Variants in TRPC3 observed in about 807,000 individuals in gnomAD.
TRPC3 encodes the protein short transient receptor potential channel 3.
In TRPC3, 54 loss-of-function variants were observed where a neutral mutation model predicts 90.9. That is an observed-to-expected ratio of 0.59 (90% CI 0.48 to 0.75). The LOEUF is 0.75. TRPC3 is among the 30% of genes least tolerant of loss of function. TRPC3 has a pLI of 0.00. For synonymous variants in TRPC3, 424 were observed against 450.9 expected (o/e 0.94, Z 0.75); for missense variants, 918 against 1,194.5 (o/e 0.77, Z 3.41).
chr4:121,920,988 C>A (rs1450531423), intron 3 of TRPC3, among the ~76,000 whole-genome samples: 4 of 152,132 alleles, frequency 2.6e-5, no homozygotes, highest in Non-Finnish European at 5.9e-5. Context: ...TTGGAGATTT[C>A]TTCGCTTTTA....
intron 5 of TRPC3, 136 bp from the exon 6 acceptor site, chr4:121,910,523 C>G (rs1729042824): frequency 1.7e-5 from 12 of 690,102 alleles, no homozygotes; most frequent in Non-Finnish European, 2.5e-6. Flanking sequence ...CATTGACTGA[C>G]TGACTGTATG....
At chr4:121,916,186 T>C (rs1578631022) in intron 3 of TRPC3, among the ~76,000 whole-genome samples, 2 of 152,186 alleles carry the variant, frequency 1.3e-5, no homozygotes, top group Non-Finnish European at 2.9e-5. Context: ...AAAGCCCACC[T>C]ACAAGGAAAT....
At chr4:121,920,532 GA>G (rs914782819) in intron 3 of TRPC3, among the ~76,000 whole-genome samples, 5 of 149,248 alleles carry the variant, frequency 3.4e-5, no homozygotes, top group African/African-American at 9.9e-5. Context: ...TCAAAAAAAA[GA>G]AAAAAAAACA....
chr4:121,930,328 T>C (rs1313078629), intron 2 of TRPC3, among the ~76,000 whole-genome samples: 2 of 152,176 alleles, frequency 1.3e-5, no homozygotes, highest in Non-Finnish European at 2.9e-5. Context: ...ACCTTATAGA[T>C]ATTTGGCAGC....
At position 121,910,293 on chromosome 4, in the gene TRPC3, G is replaced by A; in HGVS notation, c.1653C>T (p.Ser551=). The change falls in exon 6 of 12, where the codon TCC becomes TCT. Residue 551 remains serine, a synonymous_variant. Transcript: ENST00000379645. ...LWNVLDFGML[S]IFIAAFTARF... is the part of the protein sequence containing the mutation. ...TGGCTGTGAAAGCAGCAATGAAGAT[G>A]GACAGCATCCCAAAGTCAAGCACAT... 1.2e-6 allele frequency: 2 copies of A among 1,613,702 alleles called. No individual in the cohort carries two copies. Among genetic ancestry groups the A allele is most frequent in the South Asian group, 2.2e-5 (2 of 91,088 alleles).
rs201632499 is a variant in TRPC3 at position 121,932,252 on chromosome 4, G to C, written c.987+19C>G. ...TTGGGTGAGCACACAGAGCAGCCGG[G>C]GTAGAGCGCAAAGCTTACCTTGAAC... On this transcript the variant is annotated intron_variant, in intron 2 of 11. Transcript: ENST00000379645. The surrounding 1 kb of genome is among the most constrained non-coding windows in gnomAD (Gnocchi z 7.7). 419 of 1,608,706 alleles carry C rather than the reference G, an allele frequency of 2.6e-4. 2 individuals are homozygous for C. The highest frequency in any genetic ancestry group is 3.3e-4 in the Non-Finnish European group (392 of 1,176,240).
intron 10 of TRPC3, among the ~76,000 whole-genome samples, chr4:121,890,605 G>A (rs917214557): frequency 1.3e-5 from 2 of 152,096 alleles, no homozygotes; most frequent in Non-Finnish European, 2.9e-5. Flanking sequence ...TGTCTTTGAA[G>A]AAGAAATTCA....
intron 3 of TRPC3, 122 bp from the exon 4 acceptor site, chr4:121,915,066 A>G: frequency 1.2e-6 from 1 of 833,448 alleles, no homozygotes; most frequent in African/African-American, 1.7e-5. Flanking sequence ...TTTCTAGCAT[A>G]TTGGTACTGG....
Position 121,951,794 on chromosome 4 carries a change from C to T in TRPC3, c.-114G>A, listed in dbSNP as rs1399494749. 1.1e-6 allele frequency: 1 copy of T among 886,724 alleles called. No individual in the cohort carries two copies. Among genetic ancestry groups the T allele is most frequent in the Non-Finnish European group, 1.5e-6 (1 of 656,984 alleles). The allele number at this position is 886,724 out of a possible 1,614,324, so 54.9% of individuals were successfully genotyped here. On this transcript the variant is annotated 5_prime_UTR_variant, in exon 1 of 12. Coordinates refer to ENST00000379645, the MANE Select transcript of TRPC3 (RefSeq NM_001130698.2). The surrounding 1 kb of genome is among the most constrained non-coding windows in gnomAD (Gnocchi z 4.4). ...CCACCTCCCGCGGCTTCCGGGGCCC[C>T]GGGCGGCCCAGGGCGGGAAGGCAGG... is the stretch of plus-strand genomic sequence containing the variant.
chr4:121,921,580 T>A (rs1036922632), intron 3 of TRPC3, among the ~76,000 whole-genome samples: 2 of 151,248 alleles, frequency 1.3e-5, no homozygotes, highest in Admixed American at 6.6e-5. Context: ...AATATTGGCT[T>A]ACAATTAGAT....
chr4:121,915,070 G>T, intron 3 of TRPC3, 126 bp from the exon 4 acceptor site: 1 of 766,832 alleles, frequency 1.3e-6, no homozygotes. Context: ...TAGCATATTG[G>T]TACTGGAAGG....
At chr4:121,917,879 C>T (rs1729370503) in intron 3 of TRPC3, among the ~76,000 whole-genome samples, 3 of 152,104 alleles carry the variant, frequency 2.0e-5, no homozygotes, top group Non-Finnish European at 4.4e-5. Context: ...GTTTTTAGAC[C>T]AACAGTTTCT....
intron 6 of TRPC3, among the ~76,000 whole-genome samples, chr4:121,909,126 C>T (rs374006170): frequency 6.5e-4 from 99 of 152,198 alleles, no homozygotes; most frequent in Non-Finnish European, 1.1e-3. Flanking sequence ...AAAATACAAT[C>T]TAAAATTAAT....
chr4:121,939,412 A>G (rs974909673), intron 1 of TRPC3, among the ~76,000 whole-genome samples: 1 of 152,232 alleles, frequency 6.6e-6, no homozygotes, highest in Non-Finnish European at 1.5e-5. Context: ...CCCTGATCAT[A>G]AAGTGCTCTC....
intron 10 of TRPC3, among the ~76,000 whole-genome samples, chr4:121,892,814 A>G (rs1728375520): frequency 6.6e-6 from 1 of 152,220 alleles, no homozygotes; most frequent in South Asian, 2.1e-4. Flanking sequence ...CCACCTTAAA[A>G]TTCAAATAGA....
chr4:121,884,768 C>T (rs1442916040), intron 10 of TRPC3, among the ~76,000 whole-genome samples: 1 of 152,180 alleles, frequency 6.6e-6, no homozygotes, highest in Non-Finnish European at 1.5e-5. Context: ...GACAGACTCA[C>T]AGCTGGATGG....
In TRPC3 at chr4:121,880,382, A is replaced by C. The variant is rs1340446345; in HGVS notation, c.2624-504T>G. On this transcript the variant is annotated intron_variant, in intron 11 of 11. Transcript: ENST00000379645. ...GGGAAAGAAAGAAAAAAGAGTAAGG[A>C]GTGTTTATTAGGGAAGGCAATGGCA... Among the ~76,000 whole-genome samples the C allele has an allele frequency of 2.0e-5, 3 of 152,300 alleles. No homozygotes were observed. The South Asian group carries it at 6.2e-4, about 32-fold the overall frequency.
chr4:121,927,180 C>A (rs1729750704), intron 2 of TRPC3, among the ~76,000 whole-genome samples: 1 of 152,190 alleles, frequency 6.6e-6, no homozygotes, highest in Non-Finnish European at 1.5e-5. Context: ...GCCACTGGAA[C>A]TAACACATTG....
rs1730723913 is a variant in TRPC3 at position 121,951,197 on chromosome 4, G to A, written c.215+269C>T. 6.6e-6 allele frequency among the ~76,000 whole-genome samples: 1 copy of A among 152,174 alleles called. No homozygotes were observed. The highest frequency in any genetic ancestry group is 1.5e-5 in the Non-Finnish European group (1 of 68,028). On this transcript the variant is annotated intron_variant, in intron 1 of 11. Coordinates refer to ENST00000379645, the MANE Select transcript of TRPC3 (RefSeq NM_001130698.2). The surrounding 1 kb of genome is among the most constrained non-coding windows in gnomAD (Gnocchi z 4.4). ...ATGCTTGTCTGAAGTCAGTGTGCCC[G>A]CCTGCGGGCTGTTCCGTGTGCTTGA...
Sources: allele counts gnomAD v4.1 joint callset (sites outside exome capture counted in the v4.1 genomes callset), GRCh38; gene constraint gnomAD v4.1.1; non-coding constraint Gnocchi (gnomAD v3.1); transcripts MANE v1.5; gene names NCBI Gene and HGNC (gene_info 2026-07-23, HGNC 2026-07-21).